Variants in HECW2 observed in about 807,000 individuals in gnomAD.
The protein encoded by HECW2 is E3 ubiquitin-protein ligase HECW2.
In HECW2, 61 loss-of-function variants were observed where a neutral mutation model predicts 175.2. The observed-to-expected ratio is 0.35, with a 90% CI of 0.28 to 0.43. HECW2 has a LOEUF of 0.43. HECW2 is among the 20% of genes least tolerant of loss of function. The pLI, the probability that HECW2 is intolerant of heterozygous loss-of-function variation, is 1.00. For synonymous variants in HECW2, 671 were observed against 731.0 expected (o/e 0.92, Z 1.32); for missense variants, 1,524 against 2,000.5 (o/e 0.76, Z 4.54).
At chr2:196,241,999 A>C (rs1688474577) in intron 20 of HECW2, 85 bp downstream of exon 20, 1 of 1,319,806 alleles carries the variant, frequency 7.6e-7, no homozygotes, top group African/African-American at 1.4e-5. Context: ...AGTCATCCCA[A>C]ATCACAATCA....
chr2:196,374,040 TAAAATA>T (rs1693981536), intron 2 of HECW2, among the ~76,000 whole-genome samples: 1 of 145,982 alleles, frequency 6.9e-6, no homozygotes, highest in African/African-American at 2.7e-5. Flanking sequence ...TCAAAAAAAA[TAAAATA>T]AAATAAATAA....
At chr2:196,512,263 T>C (rs2125417729) in intron 1 of HECW2, among the ~76,000 whole-genome samples, 1 of 152,286 alleles carries the variant, frequency 6.6e-6, no homozygotes, top group East Asian at 1.9e-4. Context: ...ATGTGAAACA[T>C]TTCAGTTTTT....
At chr2:196,251,396 T>C (rs982735246) in intron 19 of HECW2, among the ~76,000 whole-genome samples, 2 of 152,214 alleles carry the variant, frequency 1.3e-5, no homozygotes, top group Non-Finnish European at 2.9e-5. Context: ...CTTTAGTCTA[T>C]ACTCTAGGTT....
chr2:196,535,860 T>A (rs1689001885), intron 1 of HECW2, among the ~76,000 whole-genome samples: 1 of 152,222 alleles, frequency 6.6e-6, no homozygotes, highest in Non-Finnish European at 1.5e-5. Flanking sequence ...CATTTTGTTA[T>A]GATACATTGC....
chr2:196,541,604 C>G (rs1489369866), intron 1 of HECW2, among the ~76,000 whole-genome samples: 2 of 152,026 alleles, frequency 1.3e-5, no homozygotes, highest in Non-Finnish European at 2.9e-5. Context: ...GATGCAGACT[C>G]AAAGAGAAGA....
chr2:196,204,727 T>C (rs889700175), intron 28 of HECW2, among the ~76,000 whole-genome samples: 3 of 152,210 alleles, frequency 2.0e-5, no homozygotes, highest in African/African-American at 7.2e-5. Context: ...GTAGAACCAG[T>C]AACAGGTCTC....
chr2:196,201,540 C>A (rs754776228), intron 28 of HECW2, 152 bp from the exon 29 acceptor site: 1 of 520,562 alleles, frequency 1.9e-6, no homozygotes, highest in Non-Finnish European at 3.5e-6. Flanking sequence ...TTTGAAAAAT[C>A]TTTGAAAACA....
Position 196,579,562 on chromosome 2 carries a change from A to G in HECW2, c.-36+13946T>C, listed in dbSNP as rs551417060. On this transcript the variant is annotated intron_variant, in intron 1 of 28. Coordinates refer to ENST00000644978, the MANE Select transcript of HECW2 (RefSeq NM_001348768.2). Reference sequence around the variant, plus strand: ...AGATAAAAATAGAATAAAAATTTTAAGTCGAAAAATATATATACCATGTGT... The same window carrying G: ...AGATAAAAATAGAATAAAAATTTTAGGTCGAAAAATATATATACCATGTGT... 5.9e-5 allele frequency among the ~76,000 whole-genome samples: 9 copies of G among 152,326 alleles called. No individual in the cohort carries two copies. In the South Asian group the frequency reaches 1.0e-3, roughly 18 times the overall value.
intron 2 of HECW2, among the ~76,000 whole-genome samples, chr2:196,375,956 G>T (rs1165352852): frequency 6.6e-6 from 1 of 152,160 alleles, no homozygotes; most frequent in Non-Finnish European, 1.5e-5. Context: ...TGCCAGTTAG[G>T]AAAATCTGGT....
intron 4 of HECW2, among the ~76,000 whole-genome samples, chr2:196,333,445 T>C (rs575600310): frequency 6.6e-6 from 1 of 152,332 alleles, no homozygotes; most frequent in African/African-American, 2.4e-5. Context: ...TTGCAAAGAC[T>C]GCTTTCTGAA....
At chr2:196,364,857 G>C (rs1483787543) in intron 2 of HECW2, among the ~76,000 whole-genome samples, 1 of 152,222 alleles carries the variant, frequency 6.6e-6, no homozygotes, top group Non-Finnish European at 1.5e-5. Context: ...AGGAGAAAAA[G>C]AGAAAGCTCA....
intron 18 of HECW2, among the ~76,000 whole-genome samples, chr2:196,256,726 C>T (rs1359215259): frequency 6.6e-6 from 1 of 152,112 alleles, no homozygotes; most frequent in Non-Finnish European, 1.5e-5. Context: ...GTTAATTGAC[C>T]AGTAGTCTTC....
At chr2:196,527,524 C>G (rs933348215) in intron 1 of HECW2, among the ~76,000 whole-genome samples, 1 of 152,340 alleles carries the variant, frequency 6.6e-6, no homozygotes, top group African/African-American at 2.4e-5. Context: ...TTAATCCAGC[C>G]ACTATGAACA....
At chr2:196,355,972 A>T (rs1438893682) in intron 2 of HECW2, among the ~76,000 whole-genome samples, 3 of 152,178 alleles carry the variant, frequency 2.0e-5, no homozygotes, top group Non-Finnish European at 4.4e-5. Flanking sequence ...AGATTTTGGG[A>T]AAAGGCGTAA....
At chr2:196,562,935 T>C (rs1376003017) in intron 1 of HECW2, among the ~76,000 whole-genome samples, 1 of 151,944 alleles carries the variant, frequency 6.6e-6, no homozygotes, top group Non-Finnish European at 1.5e-5. Flanking sequence ...TCCCAGCTGC[T>C]TGGAGGCCAA....
chr2:196,275,359 C>G (rs1444602575), intron 15 of HECW2, among the ~76,000 whole-genome samples: 1 of 152,188 alleles, frequency 6.6e-6, no homozygotes, highest in Non-Finnish European at 1.5e-5. Context: ...GTATATTTTT[C>G]TTTCCCAACT....
intron 2 of HECW2, among the ~76,000 whole-genome samples, chr2:196,351,506 A>G (rs1693170032): frequency 6.6e-6 from 1 of 152,200 alleles, no homozygotes; most frequent in Non-Finnish European, 1.5e-5. Flanking sequence ...AGAAACAAAA[A>G]AAGTATCCAA....
chr2:196,495,080 T>G lies in HECW2; in HGVS notation c.-35-61622A>C, dbSNP rs967914956. ...ATGTAACATATATCATTCTTTTTTTTTTTTTTGAGATGGAGTCTCGCCTTG... is the reference window on the plus strand; with the variant it reads ...ATGTAACATATATCATTCTTTTTTTGTTTTTTGAGATGGAGTCTCGCCTTG... On this transcript the variant is annotated intron_variant, in intron 1 of 28. Coordinates refer to ENST00000644978, the MANE Select transcript of HECW2 (RefSeq NM_001348768.2). Among the ~76,000 whole-genome samples the G allele has an allele frequency of 5.9e-5, 9 of 152,188 alleles. No homozygotes were observed. The East Asian group carries it at 1.7e-3, about 29-fold the overall frequency.
At position 196,336,394 on chromosome 2, in the gene HECW2, G is replaced by A. The variant is rs565079195; in HGVS notation, c.401-1876C>T. 2.0e-5 allele frequency among the ~76,000 whole-genome samples: 3 copies of A among 152,276 alleles called. No homozygotes were observed. In the South Asian group the frequency reaches 6.2e-4, roughly 32 times the overall value. On this transcript the variant is annotated intron_variant, in intron 3 of 28. Transcript: ENST00000644978. ...AGAATAAAGTGTGGTAACATGCATGGGGATTGAATTCTCTGGACATGAGCT... is the reference window on the plus strand; with the variant it reads ...AGAATAAAGTGTGGTAACATGCATGAGGATTGAATTCTCTGGACATGAGCT...
Sources: allele counts gnomAD v4.1 joint callset (sites outside exome capture counted in the v4.1 genomes callset), GRCh38; gene constraint gnomAD v4.1.1; transcripts MANE v1.5; gene names NCBI Gene and HGNC (gene_info 2026-07-23, HGNC 2026-07-21).